The following KLHL3 variants were observed in gnomAD, a reference collection of about 807,000 sequenced individuals.
KLHL3 encodes the protein kelch like family member 3.
Under a neutral mutation model 70.5 loss-of-function variants are expected in KLHL3, and 19 were observed. That is an observed-to-expected ratio of 0.27 (90% CI 0.19 to 0.40). The LOEUF is 0.40. KLHL3 is among the 10% of genes least tolerant of loss of function. The pLI, the probability that KLHL3 is intolerant of heterozygous loss-of-function variation, is 1.00. For synonymous variants in KLHL3, 258 were observed against 290.3 expected (o/e 0.89, Z 1.13); for missense variants, 512 against 771.1 (o/e 0.66, Z 3.98).
intron 2 of KLHL3, among the ~76,000 whole-genome samples, chr5:137,710,059 C>G (rs1752763241): frequency 6.6e-6 from 1 of 152,142 alleles, no homozygotes; most frequent in Non-Finnish European, 1.5e-5. Context: ...TCATGCTTTC[C>G]TAAGGTCCAT....
chr5:137,728,236 C>T (rs909363969), intron 1 of KLHL3, among the ~76,000 whole-genome samples: 2 of 152,174 alleles, frequency 1.3e-5, no homozygotes, highest in African/African-American at 4.8e-5. Context: ...GACTCCAGCA[C>T]ACTGCTGCCC....
At chr5:137,660,030 C>T (rs1302320304) in intron 7 of KLHL3, among the ~76,000 whole-genome samples, 2 of 152,056 alleles carry the variant, frequency 1.3e-5, no homozygotes, top group African/African-American at 2.4e-5. Flanking sequence ...ATCAGCCATC[C>T]CAGCAATTAT....
intron 6 of KLHL3, among the ~76,000 whole-genome samples, chr5:137,666,492 G>T (rs1464219954): frequency 6.6e-6 from 1 of 152,202 alleles, no homozygotes; most frequent in Non-Finnish European, 1.5e-5. Context: ...CTTAGCTGAA[G>T]AATGAACTAC....
intron 8 of KLHL3, among the ~76,000 whole-genome samples, chr5:137,652,749 G>C (rs552020119): frequency 2.5e-4 from 38 of 152,132 alleles, no homozygotes; most frequent in African/African-American, 9.2e-4. Context: ...ATAGTACAAC[G>C]TGGTGACTAT....
chr5:137,619,287 G>A lies in KLHL3; in HGVS notation c.*2811C>T, dbSNP rs1412704104. 1.3e-5 allele frequency: 2 copies of A among 152,644 alleles called. No individual in the cohort carries two copies. The highest frequency in any genetic ancestry group is 2.9e-5 in the Non-Finnish European group (2 of 68,038). The allele number at this position is 152,644 out of a possible 1,614,324, so 9.5% of individuals were successfully genotyped here. On this transcript the variant is annotated 3_prime_UTR_variant, in exon 15 of 15. Transcript: ENST00000309755. ...TATTGCATAGCAGAAAATGAGGTCAGTTTTATTTGCATAATACTGCAACTT... is the reference window on the plus strand; with the variant it reads ...TATTGCATAGCAGAAAATGAGGTCAATTTTATTTGCATAATACTGCAACTT...
chr5:137,709,709 C>A, intron 3 of KLHL3, 41 bp downstream of exon 3: 1 of 1,489,254 alleles, frequency 6.7e-7, no homozygotes, highest in Non-Finnish European at 9.4e-7. Flanking sequence ...AGTGGGGCTG[C>A]AGCCCCATAA....
At chr5:137,700,160 TC>T (rs1449977370) in intron 3 of KLHL3, among the ~76,000 whole-genome samples, 1 of 152,186 alleles carries the variant, frequency 6.6e-6, no homozygotes, top group Non-Finnish European at 1.5e-5. Context: ...AGTATATTAC[TC>T]CTCCACCCAT....
intron 12 of KLHL3, 90 bp from the exon 13 acceptor site, chr5:137,628,527 C>G (rs1750542245): frequency 1.1e-5 from 16 of 1,464,232 alleles, no homozygotes; most frequent in Admixed American, 3.7e-5. Context: ...ACAGCCCTGA[C>G]CAGTGAGGGG....
intron 6 of KLHL3, among the ~76,000 whole-genome samples, chr5:137,676,410 C>T (rs895699213): frequency 1.3e-5 from 2 of 152,158 alleles, no homozygotes; most frequent in Non-Finnish European, 2.9e-5. Context: ...TTGAGCATCT[C>T]TGAAGATACA....
chr5:137,671,689 T>C (rs1751763136), intron 6 of KLHL3: 1 of 152,222 alleles, frequency 6.6e-6, no homozygotes, highest in African/African-American at 2.4e-5. Flanking sequence ...AATGTCATGC[T>C]GGACAGGAAA....
chr5:137,670,020 A>G lies in KLHL3; in HGVS notation c.636+7525T>C, dbSNP rs568752431. ...AACTAAGACTAGATGAACTCTGCCC[A>G]TGTGCTATGAGTAAGGGGAAGGAAG... On this transcript the variant is annotated intron_variant, in intron 6 of 14. Coordinates refer to ENST00000309755, the MANE Select transcript of KLHL3 (RefSeq NM_017415.3). Among the ~76,000 whole-genome samples, 15 of 152,288 alleles carry G rather than the reference A, an allele frequency of 9.8e-5. No individual in the cohort carries two copies. In the South Asian group the frequency reaches 2.7e-3, roughly 27 times the overall value.
At chr5:137,635,844 G>T (rs1750754539) in intron 11 of KLHL3, among the ~76,000 whole-genome samples, 1 of 152,134 alleles carries the variant, frequency 6.6e-6, no homozygotes, top group South Asian at 2.1e-4. Context: ...GCTCACAAAA[G>T]CCTTTGTCAA....
intron 3 of KLHL3, among the ~76,000 whole-genome samples, chr5:137,702,905 C>T (rs914015741): frequency 6.6e-6 from 1 of 152,108 alleles, no homozygotes; most frequent in Non-Finnish European, 1.5e-5. Context: ...TCCTAACAAG[C>T]ACACTATGTG....
chr5:137,702,067 G>T (rs971939779), intron 3 of KLHL3, among the ~76,000 whole-genome samples: 1 of 152,178 alleles, frequency 6.6e-6, no homozygotes, highest in Non-Finnish European at 1.5e-5. Context: ...ACTGTGCTAG[G>T]CCCAGAGAAT....
chr5:137,720,431 T>C lies in KLHL3; in HGVS notation c.134+34A>G, dbSNP rs758092718. Reference sequence around the variant, plus strand: ...TTGATGAAGCTCATGGACAAGTTCCTTCTGCAAGGGCACGGACAAGATAGA... The same window carrying C: ...TTGATGAAGCTCATGGACAAGTTCCCTCTGCAAGGGCACGGACAAGATAGA... On this transcript the variant is annotated intron_variant, in intron 2 of 14. Transcript: ENST00000309755. The C allele has an allele frequency of 2.6e-5, 42 of 1,613,628 alleles. No homozygotes were observed. In the Middle Eastern group the frequency reaches 4.9e-4, roughly 19 times the overall value.
Position 137,618,880 on chromosome 5 carries a change from G to C in KLHL3, c.*3218C>G, listed in dbSNP as rs1756313766. On this transcript the variant is annotated 3_prime_UTR_variant, in exon 15 of 15. Coordinates refer to ENST00000309755, the MANE Select transcript of KLHL3 (RefSeq NM_017415.3). The stretch of plus-strand genomic sequence containing the variant: ...GTTTTAAAATTCAGCAGACTCCCTT[G>C]AATATGGTATTTTTAAAAAAAAAAA... 1 of 127,772 alleles carries C rather than the reference G, an allele frequency of 7.8e-6. No individual in the cohort carries two copies. Among genetic ancestry groups the C allele is most frequent in the Non-Finnish European group, 1.6e-5 (1 of 61,698 alleles). The allele number at this position is 127,772 out of a possible 1,614,324, so 7.9% of individuals were successfully genotyped here.
At chr5:137,636,993 C>A (rs1189142667) in intron 11 of KLHL3, among the ~76,000 whole-genome samples, 1 of 152,188 alleles carries the variant, frequency 6.6e-6, no homozygotes, top group South Asian at 2.1e-4. Flanking sequence ...TACTCCCTTC[C>A]CTTCCCCAAC....
At chr5:137,694,209 T>G (rs192791414) in intron 4 of KLHL3, among the ~76,000 whole-genome samples, 1 of 152,216 alleles carries the variant, frequency 6.6e-6, no homozygotes, top group East Asian at 1.9e-4. Context: ...TACACTTCTC[T>G]CTCACGACAG....
intron 8 of KLHL3, among the ~76,000 whole-genome samples, chr5:137,646,925 G>A (rs948087969): frequency 1.3e-5 from 2 of 152,292 alleles, no homozygotes; most frequent in South Asian, 2.1e-4. Flanking sequence ...AATCACTCTC[G>A]TGAACTGCAG....
Sources: gnomAD v4.1 joint callset for allele counts (sites outside exome capture counted in the v4.1 genomes callset) on GRCh38, gnomAD v4.1.1 for gene constraint, MANE v1.5 for transcripts, NCBI Gene and HGNC (gene_info 2026-07-23, HGNC 2026-07-21) for gene names.